MFSD1: variants seen among roughly 807,000 people sequenced by gnomAD.
MFSD1 encodes lysosomal dipeptide transporter MFSD1.
Under a neutral mutation model 67.1 loss-of-function variants are expected in MFSD1, and 59 were observed. The observed-to-expected ratio is 0.88, with a 90% confidence interval of 0.71 to 1.09. MFSD1 has a LOEUF of 1.09. MFSD1 is among the 50% of genes least tolerant of loss of function. The pLI is 0.00. For missense variants in MFSD1, 552 were observed against 566.1 expected (o/e 0.97, Z 0.25); for synonymous variants, 213 against 200.3 (o/e 1.06, Z -0.54).
At chr3:158,815,720 G>C (rs1284777144) in intron 7 of MFSD1, among the ~76,000 whole-genome samples, 5 of 150,514 alleles carry the variant, frequency 3.3e-5, no homozygotes, top group Non-Finnish European at 7.4e-5. Flanking sequence ...AGTTACATAT[G>C]TATACATGTG....
At position 158,802,198 on chromosome 3, in the gene MFSD1, C is replaced by G; in HGVS notation, c.46C>G (p.Pro16Ala). 6.2e-7 allele frequency: 1 copy of G among 1,610,910 alleles called. No individual in the cohort carries two copies. Among genetic ancestry groups the G allele is most frequent in the African/African-American group, 1.3e-5 (1 of 74,994 alleles). ...AGCGCGGGCGCTCCTGGCAGGCGGC[C>G]CTGACGAGGCCGACAGAGGTGCCCC... ...EEARALLAGG[P>A]DEADRGAPAA... The change falls in exon 1 of 16, where the codon CCT (proline) becomes GCT (alanine). Residue 16 changes from proline (P) to alanine (A), a missense_variant. Physicochemically the swap from Pro to Ala is conservative, Grantham distance 27. Coordinates refer to ENST00000415822, the MANE Select transcript of MFSD1 (RefSeq NM_022736.4).
chr3:158,824,566 G>A (rs1730861518), intron 13 of MFSD1: 1 of 177,686 alleles, frequency 5.6e-6, no homozygotes, highest in South Asian at 1.7e-4. Flanking sequence ...ATTTAGGTGT[G>A]AGTACTCATG....
intron 7 of MFSD1, among the ~76,000 whole-genome samples, chr3:158,818,755 T>C (rs1448412507): frequency 6.6e-6 from 1 of 152,186 alleles, no homozygotes; most frequent in Non-Finnish European, 1.5e-5. Context: ...TTGCCTTACT[T>C]AAAACCTCCT....
intron 9 of MFSD1, 82 bp from the exon 10 acceptor site, chr3:158,821,515 G>A (rs1425204735): frequency 1.1e-6 from 1 of 897,988 alleles, no homozygotes; most frequent in Non-Finnish European, 1.8e-6. Context: ...GATTAAACTT[G>A]AGTTATTTTT....
intron 4 of MFSD1, 97 bp from the exon 5 acceptor site, chr3:158,807,299 C>T: frequency 9.6e-7 from 1 of 1,045,842 alleles, no homozygotes; most frequent in Non-Finnish European, 1.4e-6. Flanking sequence ...AATATTAAAA[C>T]TATTGTAGAA....
intron 6 of MFSD1, among the ~76,000 whole-genome samples, chr3:158,813,377 A>C (rs1428431952): frequency 6.6e-6 from 1 of 151,832 alleles, no homozygotes; most frequent in Non-Finnish European, 1.5e-5. Context: ...CAAACTCCTG[A>C]CCTTGTGATC....
chr3:158,817,970 A>G (rs767355940), intron 7 of MFSD1, among the ~76,000 whole-genome samples: 50 of 152,308 alleles, frequency 3.3e-4, no homozygotes, highest in Non-Finnish European at 5.9e-4. Context: ...CAACAAGACT[A>G]TATAGGTCAC....
intron 15 of MFSD1, among the ~76,000 whole-genome samples, chr3:158,827,898 CAGAG>C (rs151289408): frequency 4.0e-5 from 5 of 125,226 alleles, no homozygotes; most frequent in African/African-American, 1.3e-4. Context: ...GAGAGAGACA[CAGAG>C]AGAGAGAGAG....
Position 158,826,029 on chromosome 3 carries a change from G to T in MFSD1, c.1303G>T (p.Val435Leu). 6.2e-7 allele frequency: 1 copy of T among 1,613,346 alleles called. No homozygotes were observed. Among genetic ancestry groups the T allele is most frequent in the South Asian group, 1.1e-5 (1 of 91,060 alleles). Residue 435 changes from valine (V) to leucine (L), a missense_variant, in exon 14 of 16, where the codon GTG becomes TTG. Transcript: ENST00000415822. ...TTCACTCCTAGTGTCACTTTTATCT[G>T]TGGTCTTACTCTATTTGGTGAATCG... ...IACVSLSLLS[V>L]VLLYLVNRAQ... is the part of the protein sequence containing the mutation.
intron 9 of MFSD1, 65 bp downstream of exon 9, chr3:158,820,391 T>C: frequency 8.7e-7 from 1 of 1,143,630 alleles, no homozygotes; most frequent in Non-Finnish European, 1.3e-6. Flanking sequence ...ATCACATAAA[T>C]GTAGTTTTTA....
intron 6 of MFSD1, 53 bp from the exon 7 acceptor site, chr3:158,813,912 C>A (rs1730169731): frequency 2.3e-6 from 3 of 1,296,598 alleles, no homozygotes; most frequent in South Asian, 1.3e-5. Context: ...TTGAACAAAG[C>A]AGAGATATAT....
At chr3:158,811,573 A>T (rs1730021603) in intron 6 of MFSD1, among the ~76,000 whole-genome samples, 1 of 152,174 alleles carries the variant, frequency 6.6e-6, no homozygotes, top group Admixed American at 6.5e-5. Flanking sequence ...GAAGATCGAG[A>T]TGGAACCAAC....
chr3:158,819,278 C>T (rs950416897), intron 7 of MFSD1, among the ~76,000 whole-genome samples: 1 of 152,152 alleles, frequency 6.6e-6, no homozygotes. Context: ...TCATTTTTTC[C>T]CTGGTGTCCA....
rs942085761 is a variant in MFSD1 at position 158,816,184 on chromosome 3, G to A, written c.652+2117G>A. Among the ~76,000 whole-genome samples, 60 of 152,042 alleles carry A rather than the reference G, an allele frequency of 3.9e-4. 1 individual carries two copies. Among genetic ancestry groups the A allele is most frequent in the Non-Finnish European group, 7.4e-4 (50 of 67,984 alleles). On this transcript the variant is annotated intron_variant, in intron 7 of 15. Coordinates refer to ENST00000415822, the MANE Select transcript of MFSD1 (RefSeq NM_022736.4). ...GTATATACCCAGTAATGGGATGGCT[G>A]GGTCAAATGGTATTTCTAGTTCTAG...
At chr3:158,815,128 C>T (rs2108218796) in intron 7 of MFSD1, among the ~76,000 whole-genome samples, 2 of 152,246 alleles carry the variant, frequency 1.3e-5, no homozygotes, top group East Asian at 3.9e-4. Flanking sequence ...CCAAACAAAA[C>T]GTCCATAGCA....
At position 158,804,388 on chromosome 3, in the gene MFSD1, C is replaced by T. The variant is rs1299232279; in HGVS notation, c.216+17C>T. 1.9e-6 allele frequency: 3 copies of T among 1,604,816 alleles called. No homozygotes were observed. Among genetic ancestry groups the T allele is most frequent in the Admixed American group, 3.4e-5 (2 of 59,064 alleles). On this transcript the variant is annotated intron_variant, in intron 2 of 15. Coordinates refer to ENST00000415822, the MANE Select transcript of MFSD1 (RefSeq NM_022736.4). Reference sequence around the variant, plus strand: ...GTTAAACGAGTAAGTTGATTTTTCACTCTTGTTTCTTTTGTTTTCTTTAGA... The same window carrying T: ...GTTAAACGAGTAAGTTGATTTTTCATTCTTGTTTCTTTTGTTTTCTTTAGA...
chr3:158,803,119 G>A (rs959225211), intron 1 of MFSD1, among the ~76,000 whole-genome samples: 1 of 152,080 alleles, frequency 6.6e-6, no homozygotes, highest in Non-Finnish European at 1.5e-5. Context: ...GAAATCTGAT[G>A]TCTCCGAAAA....
At chr3:158,820,370 A>G (rs377356086) in intron 9 of MFSD1, 44 bp downstream of exon 9, 152 of 1,304,056 alleles carry the variant, frequency 1.2e-4, no homozygotes, top group Non-Finnish European at 1.6e-4. Context: ...CTAAATTATC[A>G]TGAGAGTTCA....
intron 7 of MFSD1, among the ~76,000 whole-genome samples, chr3:158,816,202 A>G (rs575144131): frequency 2.4e-4 from 36 of 152,218 alleles, no homozygotes; most frequent in African/African-American, 7.2e-4. Context: ...TGGTATTTCT[A>G]GTTCTAGATC....
Sources: allele counts gnomAD v4.1 joint callset (sites outside exome capture counted in the v4.1 genomes callset), GRCh38; gene constraint gnomAD v4.1.1; transcripts MANE v1.5; gene names NCBI Gene and HGNC (gene_info 2026-07-23, HGNC 2026-07-21).